NYAP2: variants seen among roughly 807,000 people sequenced by gnomAD.
NYAP2 encodes neuronal tyrosine-phosphorylated phosphoinositide-3-kinase adapter 2.
In NYAP2, 23 loss-of-function variants were observed where a neutral mutation model predicts 50.4. The ratio of observed to expected loss-of-function variants is 0.46; its 90% CI spans 0.33 to 0.65. NYAP2 has a LOEUF of 0.65. Ranked by LOEUF, NYAP2 falls within the 30% of genes least tolerant of loss-of-function variation. NYAP2 has a pLI of 0.02. For synonymous variants in NYAP2, 394 were observed against 365.2 expected, an observed-to-expected ratio of 1.08 and a Z score of -0.90; for missense variants, 885 against 861.0, an observed-to-expected ratio of 1.03 and a Z score of -0.35.
At chr2:225,422,635 A>G (rs1224758678) in intron 3 of NYAP2, among the ~76,000 whole-genome samples, 1 of 152,202 alleles carries the variant, frequency 6.6e-6, no homozygotes, top group Non-Finnish European at 1.5e-5. Context: ...ACTACACACC[A>G]TTACCAACAG....
chr2:225,584,782 A>G (rs1218705578), intron 5 of NYAP2, among the ~76,000 whole-genome samples: 1 of 152,252 alleles, frequency 6.6e-6, no homozygotes, highest in African/African-American at 2.4e-5. Context: ...TGAAAGGCAG[A>G]CATTTCTAAT....
intron 5 of NYAP2, among the ~76,000 whole-genome samples, chr2:225,620,893 A>T (rs565692271): frequency 7.7e-4 from 118 of 152,264 alleles, no homozygotes; most frequent in Admixed American, 5.2e-3. Flanking sequence ...AGGTGGGTGG[A>T]TCACGAGGGC....
the NYAP2 span, among the ~76,000 whole-genome samples, chr2:225,692,870 TACACACAC>T: frequency 6.0e-5 from 8 of 132,842 alleles, no homozygotes; most frequent in South Asian, 4.5e-4. Flanking sequence ...TCTTTAAACA[TACACACAC>T]ACACACACAC....
intron 5 of NYAP2, among the ~76,000 whole-genome samples, chr2:225,596,985 A>T (rs1013836502): frequency 6.6e-6 from 1 of 152,206 alleles, no homozygotes; most frequent in Non-Finnish European, 1.5e-5. Context: ...TCTTTGTTTT[A>T]AAAAGTCGTC....
chr2:225,620,487 GCACA>G (rs1309556763), intron 5 of NYAP2, among the ~76,000 whole-genome samples: 1 of 148,530 alleles, frequency 6.7e-6, no homozygotes, highest in East Asian at 2.0e-4. Context: ...ACGCACGCAC[GCACA>G]CACACGCACG....
intron 6 of NYAP2, among the ~76,000 whole-genome samples, chr2:225,645,730 G>C (rs995872504): frequency 4.6e-5 from 7 of 152,228 alleles, no homozygotes; most frequent in Non-Finnish European, 8.8e-5. Flanking sequence ...TCTCTTTCCA[G>C]GTATGTGCCC....
At chr2:225,518,900 C>G (rs1368602234) in intron 4 of NYAP2, among the ~76,000 whole-genome samples, 1 of 151,792 alleles carries the variant, frequency 6.6e-6, no homozygotes, top group Non-Finnish European at 1.5e-5. Context: ...AGCCTGTAAT[C>G]CCAGCTACTC....
At chr2:225,663,813 C>T in the NYAP2 span, among the ~76,000 whole-genome samples, 1 of 152,164 alleles carries the variant, frequency 6.6e-6, no homozygotes, top group Admixed American at 6.5e-5. Context: ...GCCTCAGCCT[C>T]CCAAAGTGCT....
At chr2:225,563,459 G>C (rs1691909632) in intron 4 of NYAP2, among the ~76,000 whole-genome samples, 1 of 152,112 alleles carries the variant, frequency 6.6e-6, no homozygotes, top group Admixed American at 6.6e-5. Context: ...GTTATCAAAG[G>C]GGTGAGCATT....
At chr2:225,471,478 A>G (rs1690011577) in intron 3 of NYAP2, among the ~76,000 whole-genome samples, 2 of 152,244 alleles carry the variant, frequency 1.3e-5, no homozygotes, top group Admixed American at 6.5e-5. Flanking sequence ...AGGCACAGGT[A>G]TATTTAAACA....
At chr2:225,481,363 T>G (rs1690203853) in intron 3 of NYAP2, among the ~76,000 whole-genome samples, 1 of 152,134 alleles carries the variant, frequency 6.6e-6, no homozygotes, top group Non-Finnish European at 1.5e-5. Flanking sequence ...ACTGTTGTAT[T>G]TGTTAGAAAA....
At chr2:225,584,272 T>C (rs940661351) in intron 5 of NYAP2, among the ~76,000 whole-genome samples, 1 of 152,206 alleles carries the variant, frequency 6.6e-6, no homozygotes, top group Non-Finnish European at 1.5e-5. Flanking sequence ...TATGATACTC[T>C]TCCTAGATCC....
chr2:225,450,502 G>A (rs1264244003), intron 3 of NYAP2, among the ~76,000 whole-genome samples: 1 of 152,156 alleles, frequency 6.6e-6, no homozygotes, highest in Non-Finnish European at 1.5e-5. Context: ...GAAGAAGATA[G>A]TGGTGAACAA....
At chr2:225,398,367 C>T (rs955177930), upstream of NYAP2, among the ~76,000 whole-genome samples, 9 of 151,934 alleles carry the variant, frequency 5.9e-5, no homozygotes, top group African/African-American at 1.7e-4. Context: ...AAATATAGAC[C>T]CCCAGACTGG....
At chr2:225,581,917 C>A (rs368423099) in intron 4 of NYAP2, 24 bp from the exon 5 acceptor site, 227 of 1,577,358 alleles carry the variant, frequency 1.4e-4, no homozygotes, top group Non-Finnish European at 1.9e-4. Flanking sequence ...CTCATCTATT[C>A]CACTACGTTT....
At chr2:225,412,524 G>T (rs888285079) in intron 3 of NYAP2, among the ~76,000 whole-genome samples, 1 of 151,770 alleles carries the variant, frequency 6.6e-6, no homozygotes, top group Admixed American at 6.6e-5. Flanking sequence ...ATGAATGAAA[G>T]ACTAAAAACT....
At chr2:225,640,258 A>C (rs1391439120) in intron 6 of NYAP2, among the ~76,000 whole-genome samples, 1 of 152,104 alleles carries the variant, frequency 6.6e-6, no homozygotes, top group Admixed American at 6.6e-5. Context: ...CCTATACCTA[A>C]TTGAGAGGTG....
Position 225,562,288 on chromosome 2 carries a change from C to A in NYAP2, c.524-19653C>A, listed in dbSNP as rs527908015. On this transcript the variant is annotated intron_variant, in intron 4 of 6. Transcript: ENST00000636099. ...AATTCTTCCCATTGGAATCTGTTCA[C>A]AGAAATACATAGAAACATTCTAGAA... 4.6e-5 allele frequency among the ~76,000 whole-genome samples: 7 copies of A among 152,240 alleles called. 1 individual carries two copies. In the South Asian group the frequency reaches 1.5e-3, roughly 32 times the overall value.
intron 4 of NYAP2, among the ~76,000 whole-genome samples, chr2:225,559,671 AG>A (rs1480875030): frequency 6.6e-6 from 1 of 152,108 alleles, no homozygotes; most frequent in Non-Finnish European, 1.5e-5. Flanking sequence ...GAATTTTAAA[AG>A]CTCTAAAAAC....
Sources: gnomAD v4.1 joint callset for allele counts (sites outside exome capture counted in the v4.1 genomes callset) on GRCh38, gnomAD v4.1.1 for gene constraint, MANE v1.5 for transcripts, NCBI Gene and HGNC (gene_info 2026-07-23, HGNC 2026-07-21) for gene names.